CACNG2: variants seen among roughly 807,000 people sequenced by gnomAD.
The protein encoded by CACNG2 is calcium voltage-gated channel auxiliary subunit gamma 2.
In CACNG2, 3 loss-of-function variants were observed where a neutral mutation model predicts 25.9. The observed-to-expected ratio is 0.12, with a 90% CI of 0.05 to 0.30. The LOEUF (loss-of-function observed/expected upper bound fraction) is 0.30, where lower values mean the gene tolerates loss of function less well. CACNG2 is among the 10% of genes least tolerant of loss of function. CACNG2 has a pLI of 1.00. For missense variants in CACNG2, 341 were observed against 432.5 expected (o/e 0.79, Z 1.88); for synonymous variants, 167 against 173.3 (o/e 0.96, Z 0.29).
chr22:36,576,548 AC>A (rs892531897), intron 2 of CACNG2, among the ~76,000 whole-genome samples: 1 of 147,766 alleles, frequency 6.8e-6, no homozygotes, highest in African/African-American at 2.5e-5. Flanking sequence ...AAAAAAAAAA[AC>A]ACTCCAAAAT....
chr22:36,702,660 A>AG lies in CACNG2; in HGVS notation c.-85_-84insC. On this transcript the variant is annotated 5_prime_UTR_variant, in exon 1 of 4. Coordinates refer to ENST00000300105, the MANE Select transcript of CACNG2 (RefSeq NM_006078.5). ...GGTGCAAGTACTAAAGCCAAAAAAA[A>AG]TAAATAAAAATAAAAATTATTCCAC... The AG allele has an allele frequency of 1.1e-6, 1 of 908,770 alleles. No homozygotes were observed. Among genetic ancestry groups the AG allele is most frequent in the East Asian group, 2.6e-5 (1 of 38,208 alleles). The allele number at this position is 908,770 out of a possible 1,614,324, so 56.3% of individuals were successfully genotyped here. A position where few individuals can be genotyped will look rare whatever the true frequency, so the allele number is the denominator to read the frequency against.
chr22:36,620,204 AAAGAC>A (rs1459171091), intron 1 of CACNG2, among the ~76,000 whole-genome samples: 4 of 152,246 alleles, frequency 2.6e-5, no homozygotes, highest in African/African-American at 9.6e-5. Flanking sequence ...GCAGGCCAGC[AAAGAC>A]AAGTAGTTGG....
chr22:36,605,503 G>A (rs566100123), intron 1 of CACNG2, among the ~76,000 whole-genome samples: 1 of 152,290 alleles, frequency 6.6e-6, no homozygotes, highest in African/African-American at 2.4e-5. Context: ...GTATGAGAGA[G>A]GCAGTGATGC....
At position 36,586,595 on chromosome 22, in the gene CACNG2, A is replaced by G. The variant is rs998160139; in HGVS notation, c.295+870T>C. ...ATCTATATAATAAAATGCCTCCTAC[A>G]TGCTTCATAAAAGTGATCTGAGGGC... is the stretch of plus-strand genomic sequence containing the variant. On this transcript the variant is annotated intron_variant, in intron 2 of 3. Coordinates refer to ENST00000300105, the MANE Select transcript of CACNG2 (RefSeq NM_006078.5). Among the ~76,000 whole-genome samples, 7 of 152,156 alleles carry G rather than the reference A, an allele frequency of 4.6e-5. No individual in the cohort carries two copies. In the South Asian group the frequency reaches 8.3e-4, roughly 18 times the overall value.
chr22:36,649,066 T>C (rs9610554), intron 1 of CACNG2, among the ~76,000 whole-genome samples: 7,085 of 152,304 alleles, frequency 0.047, 195 homozygotes, highest in Middle Eastern at 0.078. Context: ...GCTTTTGCCT[T>C]TCTCATCTAG....
intron 1 of CACNG2, among the ~76,000 whole-genome samples, chr22:36,613,789 C>T (rs1283883579): frequency 1.3e-5 from 2 of 152,102 alleles, no homozygotes; most frequent in Non-Finnish European, 2.9e-5. Context: ...TCAACCTGAA[C>T]TTAGTGTCCA....
chr22:36,688,443 G>A (rs993122676), intron 1 of CACNG2, among the ~76,000 whole-genome samples: 1 of 151,692 alleles, frequency 6.6e-6, no homozygotes, highest in Non-Finnish European at 1.5e-5. Context: ...ATGATGCTGA[G>A]GTGGGAGGAT....
At chr22:36,640,795 C>T (rs904204921) in intron 1 of CACNG2, among the ~76,000 whole-genome samples, 1 of 152,198 alleles carries the variant, frequency 6.6e-6, no homozygotes. Context: ...TTTGCTTAGA[C>T]CTTCCAGTGG....
chr22:36,698,947 T>A (rs1937375717), intron 1 of CACNG2, among the ~76,000 whole-genome samples: 1 of 152,114 alleles, frequency 6.6e-6, no homozygotes, highest in Non-Finnish European at 1.5e-5. Context: ...CTGGAGACGA[T>A]GTTTCCTTTA....
chr22:36,635,088 C>G (rs1227830912), intron 1 of CACNG2, among the ~76,000 whole-genome samples: 1 of 152,062 alleles, frequency 6.6e-6, no homozygotes, highest in Non-Finnish European at 1.5e-5. Context: ...TCAAGACCAT[C>G]CTGGCTAACA....
intron 1 of CACNG2, among the ~76,000 whole-genome samples, chr22:36,670,434 T>A (rs991094014): frequency 9.2e-5 from 14 of 152,186 alleles, no homozygotes; most frequent in African/African-American, 3.1e-4. Context: ...AGAATTTGTA[T>A]CTTTATAAAC....
intron 1 of CACNG2, among the ~76,000 whole-genome samples, chr22:36,635,220 C>T (rs182645427): frequency 6.7e-6 from 1 of 150,100 alleles, no homozygotes; most frequent in South Asian, 2.1e-4. Context: ...GGAGGCGGAG[C>T]TTGCAGTGAG....
rs1192055288 is a variant in CACNG2, at chr22:36,566,232, G to A, written c.436+121C>T. On this transcript the variant is annotated intron_variant, in intron 3 of 3. Coordinates refer to ENST00000300105, the MANE Select transcript of CACNG2 (RefSeq NM_006078.5). ...CCTTCCTCCCCTGCAACACGACCTAGTGCAAGTCTTGGAGATTTCCTCTCC... is the reference window on the plus strand; with the variant it reads ...CCTTCCTCCCCTGCAACACGACCTAATGCAAGTCTTGGAGATTTCCTCTCC... 12 of 1,034,756 alleles carry A rather than the reference G, an allele frequency of 1.2e-5. No individual in the cohort carries two copies. The East Asian group carries it at 2.9e-4, about 25-fold the overall frequency. 64.1% of individuals were successfully genotyped at this position (1,034,756 alleles called of 1,614,324 possible).
intron 1 of CACNG2, among the ~76,000 whole-genome samples, chr22:36,666,323 G>C (rs1194502646): frequency 6.6e-6 from 1 of 152,126 alleles, no homozygotes; most frequent in Non-Finnish European, 1.5e-5. Flanking sequence ...TGGGAGGATT[G>C]TTTAAGCCCA....
rs538815631 is a variant in CACNG2, at chr22:36,645,949, G to A, written c.211+56417C>T. The stretch of plus-strand genomic sequence containing the variant: ...GACTTTTTTGGATAGAACATCCTTC[G>A]CGTTAATTTATGCTAAAGATTGAAC... On this transcript the variant is annotated intron_variant, in intron 1 of 3. Transcript: ENST00000300105. Among the ~76,000 whole-genome samples, 244 of 152,166 alleles carry A rather than the reference G, an allele frequency of 1.6e-3. 1 individual carries two copies. The highest frequency in any genetic ancestry group is 3.4e-3 in the Middle Eastern group (1 of 294).
Position 36,564,242 on chromosome 22 carries a change from GT to G in CACNG2, c.*108del. ...TGTTTTTTTGTTTTTTTTGTTTTTT[GT>G]TTTTGCTTTTGGAAGGTCTCCCAGC... On this transcript the variant is annotated 3_prime_UTR_variant, in exon 4 of 4. Transcript: ENST00000300105. The surrounding 1 kb of genome is among the most constrained non-coding windows in gnomAD (Gnocchi z 6.7). 2.3e-6 allele frequency: 2 copies of G among 884,896 alleles called. No homozygotes were observed. Among genetic ancestry groups the G allele is most frequent in the Non-Finnish European group, 3.2e-6 (2 of 622,066 alleles). 54.8% of individuals were successfully genotyped at this position (884,896 alleles called of 1,614,324 possible). A position where few individuals can be genotyped will look rare whatever the true frequency, so the allele number is the denominator to read the frequency against.
intron 1 of CACNG2, among the ~76,000 whole-genome samples, chr22:36,640,943 C>T (rs566371712): frequency 2.0e-5 from 3 of 152,154 alleles, no homozygotes; most frequent in African/African-American, 4.8e-5. Flanking sequence ...CCATCTGTCT[C>T]CTTCTTGGGG....
intron 1 of CACNG2, among the ~76,000 whole-genome samples, chr22:36,660,077 G>T (rs578045900): frequency 2.0e-5 from 3 of 152,220 alleles, no homozygotes; most frequent in Non-Finnish European, 4.4e-5. Flanking sequence ...GGCCTCCCAG[G>T]TCAGCTCTCA....
chr22:36,693,495 C>A (rs1280538498), intron 1 of CACNG2, among the ~76,000 whole-genome samples: 1 of 152,158 alleles, frequency 6.6e-6, no homozygotes, highest in Non-Finnish European at 1.5e-5. Context: ...TCCATTAAGC[C>A]CTCAACAACC....
Sources: allele counts gnomAD v4.1 joint callset (sites outside exome capture counted in the v4.1 genomes callset), GRCh38; gene constraint gnomAD v4.1.1; non-coding constraint Gnocchi (gnomAD v3.1); transcripts MANE v1.5; gene names NCBI Gene and HGNC (gene_info 2026-07-23, HGNC 2026-07-21).